The following CNTN1 variants were observed in gnomAD, a reference collection of about 807,000 sequenced individuals.
CNTN1 encodes the protein contactin-1.
CNTN1 carries 38 observed loss-of-function variants against 126.4 expected under a neutral mutation model. The observed-to-expected ratio is 0.30, with a 90% CI of 0.23 to 0.39. The LOEUF is 0.39. CNTN1 is among the 10% of genes least tolerant of loss of function. The probability of loss-of-function intolerance (pLI) is 1.00; values close to 1 mark genes in which losing one functional copy is unlikely to be tolerated. For missense variants in CNTN1, 1,009 were observed against 1,248.4 expected (o/e 0.81, Z 2.89); for synonymous variants, 413 against 422.6 (o/e 0.98, Z 0.28).
At chr12:40,846,692 TTTG>T (rs753318818) in intron 1 of CNTN1, among the ~76,000 whole-genome samples, 1 of 96,678 alleles carries the variant, frequency 1.0e-5, no homozygotes, top group Non-Finnish European at 2.3e-5. Context: ...AATTTAAATT[TTTG>T]TTGTTGTTGC....
At chr12:40,894,089 A>C (rs182848677) in intron 1 of CNTN1, among the ~76,000 whole-genome samples, 2 of 152,232 alleles carry the variant, frequency 1.3e-5, no homozygotes, top group African/African-American at 4.8e-5. Context: ...CTAAGCAGTC[A>C]ATGTTTATCT....
intron 17 of CNTN1, among the ~76,000 whole-genome samples, chr12:41,001,159 G>C (rs1270928858): frequency 6.6e-6 from 1 of 152,180 alleles, no homozygotes; most frequent in Non-Finnish European, 1.5e-5. Flanking sequence ...TAATTGGATT[G>C]CTAGGTCGAA....
chr12:40,758,843 A>G (rs1204536394), intron 1 of CNTN1, among the ~76,000 whole-genome samples: 1 of 152,110 alleles, frequency 6.6e-6, no homozygotes, highest in African/African-American at 2.4e-5. Context: ...GCCTTCTTGT[A>G]ATGAAAGTAC....
intron 1 of CNTN1, among the ~76,000 whole-genome samples, chr12:40,774,849 T>A (rs899072293): frequency 1.3e-5 from 2 of 151,480 alleles, no homozygotes; most frequent in Non-Finnish European, 3.0e-5. Context: ...CAACTAAGTC[T>A]TTTTAAATTT....
chr12:41,070,236 T>G lies in CNTN1; in HGVS notation c.*201T>G. 1 of 603,216 alleles carries G rather than the reference T, an allele frequency of 1.7e-6. No homozygotes were observed. 37.4% of individuals were successfully genotyped at this position (603,216 alleles called of 1,614,324 possible). A position where few individuals can be genotyped will look rare whatever the true frequency, so the allele number is the denominator to read the frequency against. ...TCATCCAAAAGAATAAACTTTTAAA[T>G]GGATATAAATGATTTTTAACTCGTT... On this transcript the variant is annotated 3_prime_UTR_variant, in exon 24 of 24. Transcript: ENST00000551295.
At chr12:40,894,606 C>A (rs1944344651) in intron 1 of CNTN1, among the ~76,000 whole-genome samples, 1 of 152,052 alleles carries the variant, frequency 6.6e-6, no homozygotes, top group African/African-American at 2.4e-5. Context: ...CCATTGTATT[C>A]TCAAGACATC....
At chr12:40,730,833 T>G (rs1942480480) in intron 1 of CNTN1, among the ~76,000 whole-genome samples, 1 of 152,106 alleles carries the variant, frequency 6.6e-6, no homozygotes, top group Admixed American at 6.6e-5. Flanking sequence ...CTATATCTGG[T>G]TTCAATTTGG....
chr12:40,852,531 C>CTT (rs879385702), intron 1 of CNTN1, among the ~76,000 whole-genome samples: 2 of 145,858 alleles, frequency 1.4e-5, no homozygotes, highest in African/African-American at 2.5e-5. Context: ...TGTGTGCTGC[C>CTT]TTTTTTTTTT....
intron 1 of CNTN1, among the ~76,000 whole-genome samples, chr12:40,891,120 T>C (rs1397171516): frequency 1.3e-5 from 2 of 152,210 alleles, no homozygotes; most frequent in Non-Finnish European, 2.9e-5. Context: ...TGATATATGA[T>C]GTTGAGCATC....
At chr12:40,992,248 G>C (rs899065903) in intron 16 of CNTN1, among the ~76,000 whole-genome samples, 1 of 152,164 alleles carries the variant, frequency 6.6e-6, no homozygotes, top group African/African-American at 2.4e-5. Context: ...GTAGAAACTG[G>C]ACCCTGGGGT....
rs147834322 is a variant in CNTN1 at position 40,806,607 on chromosome 12, T to G, written c.-76-101750T>G. On this transcript the variant is annotated intron_variant, in intron 1 of 23. Transcript: ENST00000551295. The stretch of plus-strand genomic sequence containing the variant: ...TAACGCCAATCTTCTTTATGAGCAC[T>G]TGAAAAATATCCTTGGAGCCTGCAA... Among the ~76,000 whole-genome samples, 19 of 152,274 alleles carry G rather than the reference T, an allele frequency of 1.2e-4. No homozygotes were observed. The South Asian group carries it at 3.3e-3, about 27-fold the overall frequency.
chr12:41,008,455 AG>A (rs1189840585), intron 17 of CNTN1, among the ~76,000 whole-genome samples: 1 of 152,074 alleles, frequency 6.6e-6, no homozygotes. Flanking sequence ...CTTTGCCATT[AG>A]GGGATAATTT....
At chr12:40,984,571 A>T (rs1040279786) in intron 16 of CNTN1, among the ~76,000 whole-genome samples, 1 of 152,228 alleles carries the variant, frequency 6.6e-6, no homozygotes, top group Middle Eastern at 3.4e-3. Context: ...TAAAGCAAGA[A>T]CTCACTCATT....
intron 1 of CNTN1, among the ~76,000 whole-genome samples, chr12:40,800,278 G>A (rs1214619294): frequency 1.3e-5 from 2 of 151,824 alleles, no homozygotes; most frequent in Non-Finnish European, 2.9e-5. Flanking sequence ...CTTCTCCCTT[G>A]CCTTCTGCCA....
intron 1 of CNTN1, among the ~76,000 whole-genome samples, chr12:40,875,129 C>A (rs1240662846): frequency 6.6e-6 from 1 of 152,148 alleles, no homozygotes; most frequent in East Asian, 1.9e-4. Context: ...AACCTCTTTC[C>A]AGATAAATTG....
At chr12:40,965,826 T>G (rs760359355) in intron 15 of CNTN1, among the ~76,000 whole-genome samples, 6 of 152,140 alleles carry the variant, frequency 3.9e-5, no homozygotes, top group Non-Finnish European at 8.8e-5. Flanking sequence ...AATAAGCAAA[T>G]ATGGCTTTAT....
At chr12:40,724,732 G>A (rs996744695) in intron 1 of CNTN1, among the ~76,000 whole-genome samples, 2 of 152,130 alleles carry the variant, frequency 1.3e-5, no homozygotes, top group South Asian at 2.1e-4. Context: ...TACAACACAC[G>A]ATAAAGGATT....
chr12:41,021,442 A>G (rs868390495), intron 20 of CNTN1, among the ~76,000 whole-genome samples: 10 of 151,846 alleles, frequency 6.6e-5, no homozygotes, highest in African/African-American at 2.4e-4. Flanking sequence ...GTATTGTTCT[A>G]TTCTCAGTGC....
chr12:40,706,835 G>C (rs1048767422), intron 1 of CNTN1, among the ~76,000 whole-genome samples: 2 of 152,126 alleles, frequency 1.3e-5, no homozygotes, highest in African/African-American at 4.8e-5. Flanking sequence ...AGAATTACCT[G>C]AGATTGTTAA....
Sources: gnomAD v4.1 joint callset for allele counts (sites outside exome capture counted in the v4.1 genomes callset) on GRCh38, gnomAD v4.1.1 for gene constraint, MANE v1.5 for transcripts, NCBI Gene and HGNC (gene_info 2026-07-23, HGNC 2026-07-21) for gene names.